GNG2: variants seen among roughly 807,000 people sequenced by gnomAD.
GNG2 encodes the protein G protein subunit gamma 2.
Under a neutral mutation model 5.5 loss-of-function variants are expected in GNG2, and 5 were observed. The ratio of observed to expected loss-of-function variants is 0.91; its 90% CI spans 0.48 to 1.92. The LOEUF is 1.92. Ranked by LOEUF, GNG2 falls within the 30% of genes most tolerant of loss-of-function variation. The probability of loss-of-function intolerance (pLI) is 0.01; values close to 1 mark genes in which losing one functional copy is unlikely to be tolerated. For missense variants in GNG2, 55 were observed against 88.4 expected, an observed-to-expected ratio of 0.62 and a Z score of 1.52; for synonymous variants, 28 against 32.0, an observed-to-expected ratio of 0.88 and a Z score of 0.42.
chr14:51,883,978 G>A (rs1337725000), intron 2 of GNG2, among the ~76,000 whole-genome samples: 1 of 152,006 alleles, frequency 6.6e-6, no homozygotes, highest in Non-Finnish European at 1.5e-5. Flanking sequence ...AAGTAGTAGG[G>A]ACAGGCATAA....
intron 2 of GNG2, among the ~76,000 whole-genome samples, chr14:51,899,491 G>T (rs908957319): frequency 6.6e-6 from 1 of 152,178 alleles, no homozygotes; most frequent in Non-Finnish European, 1.5e-5. Context: ...CCATTTTTAA[G>T]ACTACAGTTC....
chr14:51,921,237 T>C (rs1416352040), intron 2 of GNG2, among the ~76,000 whole-genome samples: 1 of 152,152 alleles, frequency 6.6e-6, no homozygotes, highest in African/African-American at 2.4e-5. Context: ...AACTGTAAGA[T>C]GGGAGATAAG....
At chr14:51,901,690 A>T (rs1885570319) in intron 2 of GNG2, among the ~76,000 whole-genome samples, 1 of 138,634 alleles carries the variant, frequency 7.2e-6, no homozygotes, top group South Asian at 2.3e-4. Flanking sequence ...ATGACAAAGC[A>T]GGCAGTGGAG....
At chr14:51,839,863 T>C (rs1881436446) in intron 2 of GNG2, among the ~76,000 whole-genome samples, 1 of 152,242 alleles carries the variant, frequency 6.6e-6, no homozygotes, top group Non-Finnish European at 1.5e-5. Context: ...AATATAAATA[T>C]GGAGTCCTGG....
chr14:51,886,530 C>T (rs1884469180), intron 2 of GNG2, among the ~76,000 whole-genome samples: 1 of 152,122 alleles, frequency 6.6e-6, no homozygotes, highest in Non-Finnish European at 1.5e-5. Context: ...TGGTTAATTT[C>T]AAGAGTACTT....
intron 2 of GNG2, among the ~76,000 whole-genome samples, chr14:51,946,679 CA>C (rs1156987945): frequency 6.6e-6 from 1 of 152,122 alleles, no homozygotes; most frequent in Non-Finnish European, 1.5e-5. Context: ...ACTCCCTCAC[CA>C]GTTGATTCGA....
chr14:51,954,206 T>C (rs1340809415), intron 3 of GNG2, among the ~76,000 whole-genome samples: 1 of 152,156 alleles, frequency 6.6e-6, no homozygotes, highest in African/African-American at 2.4e-5. Context: ...GTGAACCAAT[T>C]ATCTGTTCAT....
At chr14:51,885,057 A>G (rs1376321417) in intron 2 of GNG2, among the ~76,000 whole-genome samples, 9 of 152,184 alleles carry the variant, frequency 5.9e-5, no homozygotes, top group Non-Finnish European at 1.2e-4. Context: ...GAGAAGGGAA[A>G]GAAGGAGAGA....
intron 2 of GNG2, chr14:51,918,617 TA>T (rs1886803899): frequency 6.6e-6 from 1 of 152,218 alleles, no homozygotes; most frequent in Admixed American, 6.5e-5. Context: ...AACTAACTTA[TA>T]TAACACAAAA....
chr14:51,887,967 T>G (rs536576149), intron 2 of GNG2, among the ~76,000 whole-genome samples: 5 of 152,184 alleles, frequency 3.3e-5, no homozygotes, highest in Non-Finnish European at 7.3e-5. Context: ...ATGCCTATGC[T>G]CCTTTAAAAA....
At chr14:51,827,845 A>G (rs1258086924) in intron 2 of GNG2, 34 of 650,676 alleles carry the variant, frequency 5.2e-5, no homozygotes, top group Non-Finnish European at 7.4e-5. Context: ...GATACTGCAA[A>G]GAGGAAAACG....
At chr14:51,933,992 C>T (rs925341268) in intron 2 of GNG2, among the ~76,000 whole-genome samples, 10 of 152,076 alleles carry the variant, frequency 6.6e-5, no homozygotes, top group African/African-American at 2.4e-4. Flanking sequence ...TAAATGAGAC[C>T]AGCTTTCATG....
At chr14:51,906,757 C>CTTTTT (rs34240079) in intron 2 of GNG2, among the ~76,000 whole-genome samples, 5 of 105,308 alleles carry the variant, frequency 4.7e-5, no homozygotes, top group East Asian at 3.4e-4. Flanking sequence ...TGGAGAATCT[C>CTTTTT]TTTTTTTTTT....
At chr14:51,842,161 C>T (rs1416837235) in intron 2 of GNG2, among the ~76,000 whole-genome samples, 1 of 152,172 alleles carries the variant, frequency 6.6e-6, no homozygotes, top group African/African-American at 2.4e-5. Flanking sequence ...AGCCAGAACA[C>T]TAAAAGCTTA....
At chr14:51,836,078 G>A (rs752836365) in intron 2 of GNG2, among the ~76,000 whole-genome samples, 2 of 151,328 alleles carry the variant, frequency 1.3e-5, no homozygotes, top group East Asian at 3.9e-4. Flanking sequence ...TGTTTGGTTC[G>A]GGTTCTCTTC....
rs115444292 is a variant in GNG2, at chr14:51,835,152, C to T, written c.64+7345C>T. On this transcript the variant is annotated intron_variant, in intron 2 of 3. Transcript: ENST00000553432. ...GGTTAACCTGATGTTTATGAATGGC[C>T]CCCAGCTCAGTTGAGGTGAAGAGTG... 6.3e-3 allele frequency among the ~76,000 whole-genome samples: 952 copies of T among 152,170 alleles called. 7 individuals are homozygous for T. Among genetic ancestry groups the T allele is most frequent in the African/African-American group, 0.022 (919 of 41,502 alleles).
At chr14:51,847,549 T>A (rs1381144077) in intron 2 of GNG2, among the ~76,000 whole-genome samples, 1 of 149,424 alleles carries the variant, frequency 6.7e-6, no homozygotes, top group Non-Finnish European at 1.5e-5. Context: ...CTGAAGGTAG[T>A]CACATTTCAA....
At chr14:51,880,908 GA>G (rs1884005746) in intron 2 of GNG2, among the ~76,000 whole-genome samples, 1 of 121,622 alleles carries the variant, frequency 8.2e-6, no homozygotes, top group Non-Finnish European at 1.6e-5. Context: ...CCAACTCTTG[GA>G]AAATCTGTAG....
upstream of GNG2, among the ~76,000 whole-genome samples, chr14:51,858,822 C>T (rs769908676): frequency 1.3e-5 from 2 of 152,164 alleles, no homozygotes; most frequent in African/African-American, 2.4e-5. Context: ...TGGATCAAAG[C>T]TAGTTGCTCA....
Sources: allele counts gnomAD v4.1 joint callset (sites outside exome capture counted in the v4.1 genomes callset), GRCh38; gene constraint gnomAD v4.1.1; transcripts MANE v1.5; gene names NCBI Gene and HGNC (gene_info 2026-07-23, HGNC 2026-07-21).